The following RIPOR2 variants were observed in gnomAD, a reference collection of about 807,000 sequenced individuals.
RIPOR2 encodes RHO family interacting cell polarization regulator 2, also known as rho family-interacting cell polarization regulator 2.
In RIPOR2, 39 loss-of-function variants were observed where a neutral mutation model predicts 114.5. That is an observed-to-expected ratio of 0.34 (90% confidence interval 0.26 to 0.44). The LOEUF (loss-of-function observed/expected upper bound fraction) is 0.44, where lower values mean the gene tolerates loss of function less well. RIPOR2 is among the 20% of genes least tolerant of loss of function. The probability of loss-of-function intolerance (pLI) is 1.00; values close to 1 mark genes in which losing one functional copy is unlikely to be tolerated. For missense variants in RIPOR2, 1,007 were observed against 1,255.1 expected (o/e 0.80, Z 2.99); for synonymous variants, 445 against 484.4 (o/e 0.92, Z 1.07).
intron 1 of RIPOR2, among the ~76,000 whole-genome samples, chr6:25,014,731 C>T (rs1200959743): frequency 6.6e-6 from 1 of 152,162 alleles, no homozygotes; most frequent in Non-Finnish European, 1.5e-5. Context: ...CACCAAAGAG[C>T]TCCAAAATTT....
In RIPOR2 at chr6:24,952,245, G is replaced by A. The variant is rs542809812; in HGVS notation, c.77-76428C>T. On this transcript the variant is annotated intron_variant, in intron 1 of 13. Coordinates refer to the RIPOR2 transcript ENST00000510784. ...CCCACCTAGCCAACATCCTCTGCCA[G>A]CTGTTATTCCTGTCACCTAATCTCT... is the stretch of plus-strand genomic sequence containing the variant. Among the ~76,000 whole-genome samples, 3 of 152,318 alleles carry A rather than the reference G, an allele frequency of 2.0e-5. No homozygotes were observed. The East Asian group carries it at 5.8e-4, about 29-fold the overall frequency.
At chr6:24,918,780 C>A (rs1770266984) in intron 1 of RIPOR2, among the ~76,000 whole-genome samples, 1 of 152,194 alleles carries the variant, frequency 6.6e-6, no homozygotes, top group Admixed American at 6.5e-5. Flanking sequence ...CACACCGAAG[C>A]CATAACTGAG....
chr6:24,881,193 G>C (rs759569246), intron 1 of RIPOR2, among the ~76,000 whole-genome samples: 1 of 152,188 alleles, frequency 6.6e-6, no homozygotes, highest in Admixed American at 6.5e-5. Flanking sequence ...GCAGTGAGCC[G>C]AGATCACGCC....
intron 1 of RIPOR2, among the ~76,000 whole-genome samples, chr6:24,990,941 T>C (rs1425280358): frequency 1.3e-5 from 2 of 152,250 alleles, no homozygotes; most frequent in African/African-American, 2.4e-5. Flanking sequence ...AAAATATGCA[T>C]GCGCACTCAA....
At chr6:25,028,090 T>C (rs939746219) in intron 1 of RIPOR2, among the ~76,000 whole-genome samples, 1 of 152,246 alleles carries the variant, frequency 6.6e-6, no homozygotes, top group African/African-American at 2.4e-5. Flanking sequence ...AAGCTAGGCA[T>C]TCTGTAGAGA....
intron 1 of RIPOR2, among the ~76,000 whole-genome samples, chr6:24,908,525 T>G (rs911552552): frequency 1.3e-5 from 2 of 152,198 alleles, no homozygotes; most frequent in Non-Finnish European, 2.9e-5. Context: ...GAGAAGTGTC[T>G]TGGTTATACT....
intron 1 of RIPOR2, among the ~76,000 whole-genome samples, chr6:24,980,042 T>G (rs1376419808): frequency 6.6e-6 from 1 of 152,208 alleles, no homozygotes; most frequent in Non-Finnish European, 1.5e-5. Context: ...AGCCCATACT[T>G]ACAGAAGCCC....
intron 1 of RIPOR2, among the ~76,000 whole-genome samples, chr6:24,885,472 C>T (rs61595405): frequency 0.11 from 16,414 of 152,178 alleles, 1,256 homozygotes; most frequent in African/African-American, 0.22. Flanking sequence ...AATCCTCCTG[C>T]CTCGGCCTCC....
intron 1 of RIPOR2, among the ~76,000 whole-genome samples, chr6:24,923,358 T>C (rs1276589542): frequency 6.6e-6 from 1 of 152,252 alleles, no homozygotes; most frequent in African/African-American, 2.4e-5. Flanking sequence ...TTCAAGATTC[T>C]GCTTTTAATT....
intron 1 of RIPOR2, chr6:24,910,783 G>A: frequency 2.0e-6 from 2 of 984,442 alleles, no homozygotes; most frequent in Non-Finnish European, 2.4e-6. Context: ...CGCAAAATCA[G>A]AAGCAAAAAA....
intron 14 of RIPOR2, 31 bp downstream of exon 14, chr6:24,839,059 GA>G: frequency 6.6e-7 from 1 of 1,519,412 alleles, no homozygotes. Flanking sequence ...TGTGACAGGA[GA>G]AATATAAGGA....
chr6:24,910,383 T>C (rs1252829421), intron 1 of RIPOR2, among the ~76,000 whole-genome samples: 1 of 152,086 alleles, frequency 6.6e-6, no homozygotes, highest in East Asian at 1.9e-4. Context: ...CTGAGCTGGA[T>C]TCCCCATAGG....
At chr6:25,034,712 G>A (rs1318987476) in intron 1 of RIPOR2, among the ~76,000 whole-genome samples, 1 of 152,144 alleles carries the variant, frequency 6.6e-6, no homozygotes, top group Non-Finnish European at 1.5e-5. Context: ...TTTGTTAGCT[G>A]TATTTGTATT....
intron 6 of RIPOR2, among the ~76,000 whole-genome samples, chr6:24,867,306 C>G (rs1423975055): frequency 1.8e-4 from 28 of 152,226 alleles, no homozygotes; most frequent in Non-Finnish European, 1.5e-5. Context: ...TGCTTTAAAG[C>G]TAAGCCTCAT....
intron 11 of RIPOR2, among the ~76,000 whole-genome samples, chr6:24,849,110 G>A (rs1414373982): frequency 4.6e-5 from 7 of 152,138 alleles, no homozygotes; most frequent in Non-Finnish European, 8.8e-5. Context: ...TCACCATGTT[G>A]GCCAGGCTGG....
rs756103821 is a variant in RIPOR2 at position 24,873,712 on chromosome 6, G to T, written c.276C>A (p.Asn92Lys). Reference protein sequence around the residue: ...KKMHNLGHKNNNPPKEPQPKR... With the variant: ...KKMHNLGHKNKNPPKEPQPKR... ...TAGGCTGAGGCTCTTTGGGGGGATT[G>T]TTGTTTTTGTGGCCTAAATTGTGCA... The change falls in exon 3 of 22, where the codon AAC (asparagine) becomes AAA (lysine). Residue 92 changes from asparagine to lysine, a missense_variant. Transcript: ENST00000643898. 4 of 1,613,660 alleles carry T rather than the reference G, an allele frequency of 2.5e-6. No homozygotes were observed. In the Middle Eastern group the frequency reaches 4.9e-4, roughly 200 times the overall value.
At chr6:24,876,152 T>C (rs1460284816) in intron 1 of RIPOR2, among the ~76,000 whole-genome samples, 1 of 151,770 alleles carries the variant, frequency 6.6e-6, no homozygotes, top group East Asian at 1.9e-4. Context: ...TAGCTGGGCG[T>C]GGTGGCGCAT....
chr6:25,035,148 G>A (rs1485496914), intron 1 of RIPOR2, among the ~76,000 whole-genome samples: 4 of 152,154 alleles, frequency 2.6e-5, no homozygotes, highest in Non-Finnish European at 5.9e-5. Flanking sequence ...TTCAGAACTG[G>A]GGAGAAACCC....
Position 24,957,292 on chromosome 6 carries a change from A to T in RIPOR2, c.77-81475T>A, listed in dbSNP as rs149515495. 3.5e-3 allele frequency among the ~76,000 whole-genome samples: 535 copies of T among 152,316 alleles called. 2 individuals are homozygous for T. The highest frequency in any genetic ancestry group is 0.011 in the African/African-American group (472 of 41,574). On this transcript the variant is annotated intron_variant, in intron 1 of 13. Transcript: ENST00000510784. The stretch of plus-strand genomic sequence containing the variant: ...TCACTGTTCTTGGTGATTTACAAAT[A>T]TTATCTTATTTAATCCTCATAGCAA...
Sources: gnomAD v4.1 joint callset for allele counts (sites outside exome capture counted in the v4.1 genomes callset) on GRCh38, gnomAD v4.1.1 for gene constraint, MANE v1.5 for transcripts, NCBI Gene and HGNC (gene_info 2026-07-23, HGNC 2026-07-21) for gene names.